The following CORIN variants were observed in gnomAD, a reference collection of about 807,000 sequenced individuals.
CORIN encodes the protein corin, serine peptidase.
In CORIN, 117 loss-of-function variants were observed where a neutral mutation model predicts 125.3. The ratio of observed to expected loss-of-function variants is 0.93; its 90% CI spans 0.80 to 1.09. The LOEUF is 1.09. CORIN is among the 50% of genes least tolerant of loss of function. The pLI is 0.00. For synonymous variants in CORIN, 450 were observed against 466.4 expected, an observed-to-expected ratio of 0.96 and a Z score of 0.45; for missense variants, 1,253 against 1,306.7, an observed-to-expected ratio of 0.96 and a Z score of 0.63.
chr4:47,615,120 G>C (rs1285659838), intron 19 of CORIN, among the ~76,000 whole-genome samples: 2 of 152,150 alleles, frequency 1.3e-5, no homozygotes, highest in African/African-American at 4.8e-5. Flanking sequence ...TCCTGAGGCA[G>C]GAATGAGCTT....
chr4:47,626,995 T>TG (rs148244763), intron 16 of CORIN, among the ~76,000 whole-genome samples: 35,934 of 146,678 alleles, frequency 0.24, 4,352 homozygotes, highest in Admixed American at 0.34. Flanking sequence ...TTGTTGTTGT[T>TG]TTTTTTTTGA....
In CORIN at chr4:47,600,395, A is replaced by G. The variant is rs776433242; in HGVS notation, c.2813-48T>C. 5 of 1,436,800 alleles carry G rather than the reference A, an allele frequency of 3.5e-6. No individual in the cohort carries two copies. In the East Asian group the frequency reaches 1.0e-4, roughly 29 times the overall value. 89.0% of individuals were successfully genotyped at this position (1,436,800 alleles called of 1,614,324 possible). On this transcript the variant is annotated intron_variant, in intron 20 of 21. Transcript: ENST00000273857. ...TATATATATGATGATAAAATGACTC[A>G]AAAGTGAGGCTAGTGAGGCTAGCCA...
At chr4:47,603,006 C>T (rs1351992760) in intron 20 of CORIN, among the ~76,000 whole-genome samples, 1 of 152,036 alleles carries the variant, frequency 6.6e-6, no homozygotes, top group Non-Finnish European at 1.5e-5. Flanking sequence ...CAATGTTTCT[C>T]AGGCTCCTGA....
Position 47,661,724 on chromosome 4 carries a change from A to C in CORIN, c.1722T>G (p.Asp574Glu), listed in dbSNP as rs147248661. 1,440 of 1,611,556 alleles carry C rather than the reference A, an allele frequency of 8.9e-4. 2 individuals carry two copies. The highest frequency in any genetic ancestry group is 1.2e-3 in the Non-Finnish European group (1,369 of 1,178,336). Reference sequence around the variant, plus strand: ...TTTAAAATTAACCTTCCACATATTCATCAGGCATCAGGCAGGTTTGATTGT... The same window carrying C: ...TTTAAAATTAACCTTCCACATATTCCTCAGGCATCAGGCAGGTTTGATTGT... ...NSDNQTCLMP[D>E]EYVEECSPSH... The change falls in exon 12 of 22, where the codon GAT (aspartate) becomes GAG (glutamate). Residue 574 changes from aspartate to glutamate, a missense_variant. Physicochemically the swap from Asp to Glu is conservative, Grantham distance 45. Transcript: ENST00000273857.
At chr4:47,602,520 T>C (rs896003286) in intron 20 of CORIN, among the ~76,000 whole-genome samples, 1 of 152,154 alleles carries the variant, frequency 6.6e-6, no homozygotes, top group African/African-American at 2.4e-5. Context: ...AATCACAACA[T>C]AGAATTGGAA....
chr4:47,708,136 AG>A (rs1726664642), intron 5 of CORIN, among the ~76,000 whole-genome samples: 1 of 152,206 alleles, frequency 6.6e-6, no homozygotes, highest in Non-Finnish European at 1.5e-5. Context: ...GGGCCGTATT[AG>A]TTTCCTATTG....
rs780684321 is a variant in CORIN at position 47,690,640 on chromosome 4, G to A, written c.913+2330C>T. On this transcript the variant is annotated intron_variant, in intron 6 of 21. Transcript: ENST00000273857. ...ACAGTCCTCCTTCTTGCCTACTTGC[G>A]AGAACCTTAGGAACTAGGCATTTTC... Among the ~76,000 whole-genome samples the A allele has an allele frequency of 2.6e-5, 4 of 152,118 alleles. No homozygotes were observed. The East Asian group carries it at 5.8e-4, about 22-fold the overall frequency.
At chr4:47,730,020 G>GCACT (rs940611269) in intron 5 of CORIN, among the ~76,000 whole-genome samples, 9 of 152,062 alleles carry the variant, frequency 5.9e-5, no homozygotes, top group African/African-American at 2.2e-4. Context: ...ATAAAACCTT[G>GCACT]CACTCATCCT....
chr4:47,639,170 G>A (rs779369895), intron 16 of CORIN, among the ~76,000 whole-genome samples: 14 of 152,068 alleles, frequency 9.2e-5, no homozygotes, highest in Non-Finnish European at 1.3e-4. Flanking sequence ...CTACAATGCC[G>A]TTCTCTATAA....
chr4:47,611,012 T>C (rs1210449547), intron 19 of CORIN, among the ~76,000 whole-genome samples: 1 of 152,220 alleles, frequency 6.6e-6, no homozygotes, highest in East Asian at 1.9e-4. Context: ...GTAGTATAGT[T>C]TGAAGTTGGG....
intron 3 of CORIN, among the ~76,000 whole-genome samples, chr4:47,769,290 CA>C (rs35565049): frequency 2.7e-5 from 4 of 150,856 alleles, no homozygotes; most frequent in Non-Finnish European, 4.4e-5. Context: ...ACAATAGCTA[CA>C]AAAAAAATAC....
chr4:47,790,237 C>CT, intron 2 of CORIN: 1 of 984,478 alleles, frequency 1.0e-6, no homozygotes, highest in Non-Finnish European at 1.2e-6. Context: ...ATGGGGCTGG[C>CT]TGTGGTGAGA....
intron 1 of CORIN, among the ~76,000 whole-genome samples, chr4:47,827,408 A>T (rs779645526): frequency 7.9e-5 from 12 of 152,208 alleles, no homozygotes; most frequent in Non-Finnish European, 1.6e-4. Context: ...CAGCCTTGTA[A>T]GAGATGTATT....
intron 2 of CORIN, among the ~76,000 whole-genome samples, chr4:47,798,797 C>T (rs185139374): frequency 3.3e-5 from 5 of 152,190 alleles, no homozygotes; most frequent in Admixed American, 3.3e-4. Flanking sequence ...TCCCATCACC[C>T]AAGTAATGAG....
intron 1 of CORIN, among the ~76,000 whole-genome samples, chr4:47,826,503 T>C (rs572504482): frequency 6.6e-6 from 1 of 152,352 alleles, no homozygotes; most frequent in East Asian, 1.9e-4. Context: ...TTTCAGCTTA[T>C]AGTGGCTGTG....
chr4:47,705,412 A>G (rs548519682), intron 5 of CORIN, among the ~76,000 whole-genome samples: 3 of 152,216 alleles, frequency 2.0e-5, no homozygotes, highest in Non-Finnish European at 2.9e-5. Context: ...AGGACCCAGA[A>G]GAGTGACAAG....
intron 1 of CORIN, among the ~76,000 whole-genome samples, chr4:47,828,644 C>G (rs1284975127): frequency 2.0e-5 from 3 of 152,256 alleles, no homozygotes; most frequent in South Asian, 4.1e-4. Context: ...TTTGCAAAGT[C>G]CCTTTTGACA....
At chr4:47,744,012 G>C (rs2109836398) in intron 5 of CORIN, among the ~76,000 whole-genome samples, 1 of 152,286 alleles carries the variant, frequency 6.6e-6, no homozygotes, top group East Asian at 1.9e-4. Context: ...TCATATATTA[G>C]AATGCTGTAT....
At chr4:47,804,606 TAGAA>T (rs1731684966) in intron 2 of CORIN, among the ~76,000 whole-genome samples, 1 of 151,384 alleles carries the variant, frequency 6.6e-6, no homozygotes, top group South Asian at 2.1e-4. Flanking sequence ...AAGTCAGACA[TAGAA>T]AGACAAACTT....
Sources: allele counts gnomAD v4.1 joint callset (sites outside exome capture counted in the v4.1 genomes callset), GRCh38; gene constraint gnomAD v4.1.1; transcripts MANE v1.5; gene names NCBI Gene and HGNC (gene_info 2026-07-23, HGNC 2026-07-21).